The following ZNF486 variants were observed in gnomAD, a reference collection of about 807,000 sequenced individuals.
The protein encoded by ZNF486 is KRAB box only protein 2.
Under a neutral mutation model 12.8 loss-of-function variants are expected in ZNF486, and 12 were observed. The observed-to-expected ratio is 0.94, with a 90% CI of 0.60 to 1.52. ZNF486 has a LOEUF of 1.52. Among genes scored for constraint, ZNF486 ranks in the 40% most tolerant of loss-of-function variants. ZNF486 has a pLI of 0.00. For missense variants in ZNF486, 738 were observed against 545.0 expected, an observed-to-expected ratio of 1.35 and a Z score of -3.53; for synonymous variants, 231 against 184.9, an observed-to-expected ratio of 1.25 and a Z score of -2.02.
chr19:20,192,146 A>G (rs1230747527), intron 3 of ZNF486, among the ~76,000 whole-genome samples: 1 of 152,020 alleles, frequency 6.6e-6, no homozygotes, highest in Non-Finnish European at 1.5e-5. Flanking sequence ...TGACCACCTC[A>G]CTCAATTGTG....
chr19:20,184,156 T>G (rs1555715966), intron 1 of ZNF486, among the ~76,000 whole-genome samples, 200 bp from the exon 2 acceptor site: 1 of 152,228 alleles, frequency 6.6e-6, no homozygotes. Context: ...TGAACTAATG[T>G]TGTGGATCTT....
Position 20,200,338 on chromosome 19 carries a change from A to C in ZNF486, c.*2236A>C, listed in dbSNP as rs56849372. The C allele has an allele frequency of 6.6e-6, 1 of 152,082 alleles. No homozygotes were observed. The highest frequency in any genetic ancestry group is 1.5e-5 in the Non-Finnish European group (1 of 68,016). 9.4% of individuals were successfully genotyped at this position (152,082 alleles called of 1,614,324 possible). On this transcript the variant is annotated 3_prime_UTR_variant, in exon 4 of 4. Coordinates refer to ENST00000335117, the MANE Select transcript of ZNF486 (RefSeq NM_052852.4). ...TAAGTGGAGAGGCTCTTTGTAGTTA[A>C]CCTATATGAAGTAATGTATAAGGTA... is the stretch of plus-strand genomic sequence containing the variant.
intron 1 of ZNF486, among the ~76,000 whole-genome samples, chr19:20,171,706 A>G (rs1420557777): frequency 6.6e-6 from 1 of 152,194 alleles, no homozygotes; most frequent in Non-Finnish European, 1.5e-5. Flanking sequence ...CCCACCCAGG[A>G]ATTATTTTTT....
At chr19:20,169,338 A>G (rs977237432) in intron 1 of ZNF486, among the ~76,000 whole-genome samples, 4 of 151,850 alleles carry the variant, frequency 2.6e-5, no homozygotes, top group African/African-American at 7.3e-5. Flanking sequence ...CTAACTCCCA[A>G]CCTCAGGTGA....
intron 2 of ZNF486, 42 bp downstream of exon 2, chr19:20,184,524 A>G (rs541452432): frequency 6.5e-7 from 1 of 1,535,388 alleles, no homozygotes; most frequent in Non-Finnish European, 8.7e-7. Context: ...AAACCCCAAA[A>G]GTTTTATTTC....
intron 3 of ZNF486, among the ~76,000 whole-genome samples, chr19:20,191,374 G>A (rs1019988725): frequency 4.0e-5 from 6 of 151,702 alleles, no homozygotes; most frequent in Non-Finnish European, 7.4e-5. Flanking sequence ...GGCTGAGGCA[G>A]GAGAGTGGCG....
At chr19:20,195,459 A>G (rs2089949186) in intron 3 of ZNF486, among the ~76,000 whole-genome samples, 1 of 152,128 alleles carries the variant, frequency 6.6e-6, no homozygotes, top group African/African-American at 2.4e-5. Flanking sequence ...TGAGCCACCA[A>G]CAGTGGGATG....
At chr19:20,195,576 T>C (rs2089950223) in intron 3 of ZNF486, among the ~76,000 whole-genome samples, 1 of 152,212 alleles carries the variant, frequency 6.6e-6, no homozygotes, top group African/African-American at 2.4e-5. Context: ...TTGGTATACA[T>C]TATCATCTTT....
Position 20,197,340 on chromosome 19 carries a change from C to G in ZNF486, c.630C>G (p.Tyr210Ter), listed in dbSNP as rs184976796. Residue 210 changes from tyrosine (Y) to a stop codon, truncating the protein, a stop_gained, in exon 4 of 4, where the codon TAC becomes TAG. Transcript: ENST00000335117. LOFTEE classifies it low-confidence loss of function (END_TRUNC). ...HKKIDTGEKP[Y>*]KCEECGKAFN... is the part of the protein sequence containing the mutation. Reference sequence around the variant, plus strand: ...AAATTGATACTGGAGAGAAACCATACAAATGTGAAGAATGTGGCAAAGCCT... The same window carrying G: ...AAATTGATACTGGAGAGAAACCATAGAAATGTGAAGAATGTGGCAAAGCCT... The G allele has an allele frequency of 5.6e-3, 8,994 of 1,613,564 alleles. 25 individuals are homozygous for G. Among genetic ancestry groups the G allele is most frequent in the Non-Finnish European group, 6.4e-3 (7,533 of 1,179,736 alleles).
chr19:20,183,788 CTCTTA>C (rs782689059), intron 1 of ZNF486, among the ~76,000 whole-genome samples: 74 of 152,020 alleles, frequency 4.9e-4, no homozygotes, highest in Admixed American at 1.2e-3. Flanking sequence ...GAAATGAAGC[CTCTTA>C]TCTTTGTTTA....
Position 20,169,645 on chromosome 19 carries a change from A to T in ZNF486, c.30+2285A>T, listed in dbSNP as rs74580457. ...TTAGACTTTTTAAGATAAAAACGTC[A>T]GATTTATGTAAAAAAATGAATTAGT... On this transcript the variant is annotated intron_variant, in intron 1 of 3. Coordinates refer to ENST00000335117, the MANE Select transcript of ZNF486 (RefSeq NM_052852.4). 5.9e-5 allele frequency among the ~76,000 whole-genome samples: 9 copies of T among 152,284 alleles called. No individual in the cohort carries two copies. In the East Asian group the frequency reaches 1.7e-3, roughly 29 times the overall value.
At chr19:20,188,360 CAT>C (rs1568324255) in intron 3 of ZNF486, 1 of 397,920 alleles carries the variant, frequency 2.5e-6, no homozygotes, top group East Asian at 3.6e-5. Context: ...AAACACATAA[CAT>C]AAAATTTACC....
rs781833167 is a variant in ZNF486 at position 20,184,438 on chromosome 19, A to T, written c.113A>T (p.Tyr38Phe). The T allele has an allele frequency of 6.2e-7, 1 of 1,613,558 alleles. No homozygotes were observed. Among genetic ancestry groups the T allele is most frequent in the Non-Finnish European group, 8.5e-7 (1 of 1,179,700 alleles). The change falls in exon 2 of 4, where the codon TAT becomes TTT. Residue 38 changes from tyrosine (Y) to phenylalanine (F), a missense_variant. Physicochemically the swap from Tyr to Phe is conservative, Grantham distance 22. Transcript: ENST00000335117. ...CTGGACACTGCACAGCAGAATTTAT[A>T]TAGGGATGTGATGTTAGAGAACTAC... ...HCLDTAQQNL[Y>F]RDVMLENYRH...
At chr19:20,186,748 T>C (rs1555716528) in intron 3 of ZNF486, among the ~76,000 whole-genome samples, 1 of 151,730 alleles carries the variant, frequency 6.6e-6, no homozygotes, top group Non-Finnish European at 1.5e-5. Context: ...ACGGCAATTT[T>C]AAAATTTATT....
rs782296687 is a variant in ZNF486, at chr19:20,184,468, A to C, written c.143A>C (p.His48Pro). Residue 48 changes from histidine to proline, a missense_variant, in exon 2 of 4, where the codon CAC becomes CCC. By Grantham distance (77) the His-to-Pro change is moderately conservative (BLOSUM62 -2). Coordinates refer to ENST00000335117, the MANE Select transcript of ZNF486 (RefSeq NM_052852.4). ...YRDVMLENYR[H>P]LVFLGIIVSK... is the part of the protein sequence containing the mutation. ...GATGTGATGTTAGAGAACTACAGAC[A>C]CCTGGTCTTCCTTGGTGAGGATAAC... The C allele has an allele frequency of 6.2e-7, 1 of 1,610,838 alleles. No individual in the cohort carries two copies. The highest frequency in any genetic ancestry group is 1.3e-5 in the African/African-American group (1 of 74,766).
chr19:20,196,695 CAG>C (rs1423776226), intron 3 of ZNF486, among the ~76,000 whole-genome samples: 2 of 150,778 alleles, frequency 1.3e-5, no homozygotes, highest in African/African-American at 2.4e-5. Context: ...ATATAAGTAA[CAG>C]AATTTTCTTT....
chr19:20,190,273 A>T (rs1383142913), intron 3 of ZNF486, among the ~76,000 whole-genome samples: 1 of 152,184 alleles, frequency 6.6e-6, no homozygotes, highest in Non-Finnish European at 1.5e-5. Flanking sequence ...GTTGAATCAG[A>T]GTGTTTTATA....
At chr19:20,186,242 T>G (rs2089844923) in intron 3 of ZNF486, among the ~76,000 whole-genome samples, 160 bp downstream of exon 3, 1 of 152,140 alleles carries the variant, frequency 6.6e-6, no homozygotes, top group Non-Finnish European at 1.5e-5. Flanking sequence ...TTAATTTTTC[T>G]CTCACAAAGG....
rs1251293603 is a variant in ZNF486 at position 20,197,684 on chromosome 19, A to G, written c.974A>G (p.Asp325Gly). Reference protein sequence around the residue: ...IHTGEKPYTCDKCGKAFISSS... With the variant: ...IHTGEKPYTCGKCGKAFISSS... Reference sequence around the variant, plus strand: ...ACTGGAGAGAAACCGTACACGTGTGATAAATGTGGCAAAGCCTTTATTTCA... The same window carrying G: ...ACTGGAGAGAAACCGTACACGTGTGGTAAATGTGGCAAAGCCTTTATTTCA... The change falls in exon 4 of 4, where the codon GAT becomes GGT. Residue 325 changes from aspartate (D) to glycine (G), a missense_variant. Asp to Gly is a moderately conservative substitution (Grantham distance 94, BLOSUM62 -1). Transcript: ENST00000335117. 1 of 1,613,754 alleles carries G rather than the reference A, an allele frequency of 6.2e-7. No individual in the cohort carries two copies. Among genetic ancestry groups the G allele is most frequent in the Admixed American group, 1.7e-5 (1 of 59,974 alleles).
Sources: allele counts gnomAD v4.1 joint callset (sites outside exome capture counted in the v4.1 genomes callset), GRCh38; gene constraint gnomAD v4.1.1; transcripts MANE v1.5; gene names NCBI Gene and HGNC (gene_info 2026-07-23, HGNC 2026-07-21).